MASP2: variants seen among roughly 807,000 people sequenced by gnomAD.
MASP2 encodes mannan-binding lectin serine protease 2.
A neutral mutation model predicts 57.1 loss-of-function variants in MASP2; 49 were observed. The ratio of observed to expected loss-of-function variants is 0.86; its 90% confidence interval spans 0.68 to 1.09. The LOEUF (loss-of-function observed/expected upper bound fraction) is 1.09, where lower values mean the gene tolerates loss of function less well. MASP2 is among the 50% of genes least tolerant of loss of function. The pLI is 0.00. For synonymous variants in MASP2, 379 were observed against 340.8 expected, an observed-to-expected ratio of 1.11 and a Z score of -1.24; for missense variants, 900 against 874.8, an observed-to-expected ratio of 1.03 and a Z score of -0.36.
At position 11,043,458 on chromosome 1, in the gene MASP2, G is replaced by A. The variant is rs774082092; in HGVS notation, c.622C>T (p.Leu208Phe). 8.7e-6 allele frequency: 14 copies of A among 1,611,094 alleles called. No homozygotes were observed. The highest frequency in any genetic ancestry group is 6.6e-5 in the South Asian group (6 of 90,344). The change falls in exon 5 of 11, where the codon CTC (leucine) becomes TTC (phenylalanine). Residue 208 changes from leucine (L) to phenylalanine (F), a missense_variant. Transcript: ENST00000400897. The stretch of plus-strand genomic sequence containing the variant: ...CTGATGCTGTAAGTGCAACTGGAGA[G>A]TTTGGGATACGGCCGTGGGTATTCA... ...SPEYPRPYPK[L>F]SSCTYSISLE... is the part of the protein sequence containing the mutation.
chr1:11,036,184 T>A (rs1643884563), intron 7 of MASP2, among the ~76,000 whole-genome samples: 1 of 152,128 alleles, frequency 6.6e-6, no homozygotes, highest in Non-Finnish European at 1.5e-5. Context: ...CCGCAAAGGA[T>A]TTCAGGTCTT....
In MASP2 at chr1:11,037,746, T is replaced by G. The variant is rs759753612; in HGVS notation, c.955A>C (p.Ile319Leu). The G allele has an allele frequency of 1.2e-6, 2 of 1,613,202 alleles. No individual in the cohort carries two copies. The highest frequency in any genetic ancestry group is 1.7e-6 in the Non-Finnish European group (2 of 1,179,696). ...GHVSPVQAKY[I>L]LKDSFSIFCE... The stretch of plus-strand genomic sequence containing the variant: ...AAGATGGAGAAGCTGTCTTTCAGGA[T>G]GTATTTGGCTTGCACAGGTGAAACG... The change falls in exon 7 of 11, where the codon ATC becomes CTC. Residue 319 changes from isoleucine (I) to leucine (L), a missense_variant. Coordinates refer to ENST00000400897, the MANE Select transcript of MASP2 (RefSeq NM_006610.4).
intron 8 of MASP2, among the ~76,000 whole-genome samples, chr1:11,031,629 C>T (rs1015184328): frequency 6.7e-5 from 10 of 149,784 alleles, no homozygotes; most frequent in African/African-American, 2.5e-4. Flanking sequence ...TAGAAAAGGA[C>T]ACGATAGTAA....
chr1:11,043,250 C>T (rs920436269), intron 5 of MASP2, 89 bp downstream of exon 5: 21 of 1,220,724 alleles, frequency 1.7e-5, no homozygotes, highest in Admixed American at 1.3e-4. Flanking sequence ...GTGACGGGAA[C>T]GTGGTGGGGG....
chr1:11,037,022 G>A (rs1638262244), intron 7 of MASP2, among the ~76,000 whole-genome samples: 1 of 152,004 alleles, frequency 6.6e-6, no homozygotes, highest in African/African-American at 2.4e-5. Context: ...GCTGTCGTGT[G>A]TGACCAACAG....
chr1:11,047,151 G>A, intron 1 of MASP2, 32 bp from the exon 2 acceptor site: 1 of 1,552,366 alleles, frequency 6.4e-7, no homozygotes, highest in South Asian at 1.2e-5. Flanking sequence ...TGAGGGCCCA[G>A]GCCTGTGCTC....
intron 4 of MASP2, 52 bp from the exon 5 acceptor site, chr1:11,043,587 C>G (rs755908031): frequency 7.8e-7 from 1 of 1,277,050 alleles, no homozygotes; most frequent in Non-Finnish European, 1.1e-6. Flanking sequence ...TATCAGCCCT[C>G]GCACCAACAG....
chr1:11,030,104 C>T lies in MASP2; in HGVS notation c.1297+72G>A, dbSNP rs574953462. On this transcript the variant is annotated intron_variant, in intron 10 of 10. Transcript: ENST00000400897. ...ACATTTCTGCCTACCACAGCTAAAGCTCTCCTCACTGTCTCCTACCCAGTC... is the reference window on the plus strand; with the variant it reads ...ACATTTCTGCCTACCACAGCTAAAGTTCTCCTCACTGTCTCCTACCCAGTC... 2.7e-6 allele frequency: 3 copies of T among 1,091,902 alleles called. No individual in the cohort carries two copies. In the South Asian group the frequency reaches 4.1e-5, roughly 15 times the overall value. 67.6% of individuals were successfully genotyped at this position (1,091,902 alleles called of 1,614,324 possible). A position where few individuals can be genotyped will look rare whatever the true frequency, so the allele number is the denominator to read the frequency against.
Position 11,034,877 on chromosome 1 carries a change from T to C in MASP2, c.1038A>G (p.Ala346=), listed in dbSNP as rs143273371. 3.1e-6 allele frequency: 5 copies of C among 1,612,970 alleles called. No individual in the cohort carries two copies. The African/African-American group carries it at 5.3e-5, about 17-fold the overall frequency. The stretch of plus-strand genomic sequence containing the variant: ...CCCAAGATCCATCTTTCTGACAAAC[T>C]GCAGTAAAGGATTTCAGGGGCAAGT... ...QGHLPLKSFT[A]VCQKDGSWDR... Residue 346 remains alanine, a synonymous_variant, in exon 8 of 11, where the codon GCA becomes GCG. Coordinates refer to ENST00000400897, the MANE Select transcript of MASP2 (RefSeq NM_006610.4).
At chr1:11,042,723 A>T in intron 6 of MASP2, 152 bp downstream of exon 6, 1 of 836,226 alleles carries the variant, frequency 1.2e-6, no homozygotes, top group Non-Finnish European at 1.8e-6. Context: ...TTCCCCTTAG[A>T]AGACTGCTGC....
intron 5 of MASP2, 122 bp from the exon 6 acceptor site, chr1:11,043,144 TG>T: frequency 8.7e-7 from 1 of 1,152,354 alleles, no homozygotes; most frequent in Non-Finnish European, 1.2e-6. Context: ...GGCCATGGAT[TG>T]GGGTGCCCCT....
chr1:11,043,827 C>A lies in MASP2; in HGVS notation c.545-292G>T, dbSNP rs1638540670. Among the ~76,000 whole-genome samples the A allele has an allele frequency of 5.3e-5, 8 of 152,056 alleles. No homozygotes were observed. The South Asian group carries it at 1.7e-3, about 32-fold the overall frequency. ...GGAGCGCACAGGCCCTCACTCACAC[C>A]CCCAGGGAGCGTGGTGGTGTCCTGA... On this transcript the variant is annotated intron_variant, in intron 4 of 10. Coordinates refer to ENST00000400897, the MANE Select transcript of MASP2 (RefSeq NM_006610.4).
chr1:11,045,825 G>A, intron 3 of MASP2: 2 of 500,020 alleles, frequency 4.0e-6, no homozygotes, highest in Non-Finnish European at 7.2e-6. Flanking sequence ...TCAAACCCAG[G>A]GGGCGGGGCT....
At position 11,046,721 on chromosome 1, in the gene MASP2, C is replaced by T. The variant is rs1638652253; in HGVS notation, c.247G>A (p.Ala83Thr). Residue 83 changes from alanine (A) to threonine (T), a missense_variant, in exon 3 of 11, where the codon GCC becomes ACC. Coordinates refer to ENST00000400897, the MANE Select transcript of MASP2 (RefSeq NM_006610.4). ...EYDFVKLSSG[A>T]KVLATLCGQE... Reference sequence around the variant, plus strand: ...CCGCACAGCGTGGCCAGCACCTTGGCCCCCGAGCTCAGCTGTGGGGTCAGG... The same window carrying T: ...CCGCACAGCGTGGCCAGCACCTTGGTCCCCGAGCTCAGCTGTGGGGTCAGG... The T allele has an allele frequency of 1.2e-6, 2 of 1,612,230 alleles. No homozygotes were observed. The highest frequency in any genetic ancestry group is 1.7e-6 in the Non-Finnish European group (2 of 1,179,586).
chr1:11,030,029 G>A (rs1000357083), intron 10 of MASP2, 147 bp downstream of exon 10: 2 of 601,540 alleles, frequency 3.3e-6, no homozygotes, highest in East Asian at 2.9e-5. Flanking sequence ...GGGGTAATGA[G>A]AACATACTAT....
chr1:11,045,586 G>A (rs779157820), intron 3 of MASP2, 47 bp from the exon 4 acceptor site: 5 of 1,560,638 alleles, frequency 3.2e-6, no homozygotes, highest in Middle Eastern at 2.2e-4. Context: ...GGAAAGAGGC[G>A]GGATCCAGCC....
In MASP2 at chr1:11,046,897, G is replaced by A. The variant is rs369289961; in HGVS notation, c.228C>T (p.Phe76=). 3.8e-6 allele frequency: 6 copies of A among 1,566,862 alleles called. No homozygotes were observed. The highest frequency in any genetic ancestry group is 2.3e-5 in the South Asian group (2 of 85,428). Residue 76 remains phenylalanine, a synonymous_variant, in exon 2 of 11, where the codon TTC becomes TTT. Coordinates refer to ENST00000400897, the MANE Select transcript of MASP2 (RefSeq NM_006610.4). ...CCTCCCGTCCTGACGGCACCTTGAC[G>A]AAGTCGTACTCGCAGAGGTGGGAGA... ...LELSHLCEYD[F]VKLSSGAKVL... is the part of the protein sequence containing the mutation.
intron 4 of MASP2, chr1:11,044,762 C>T: frequency 2.3e-5 from 19 of 831,958 alleles, no homozygotes; most frequent in Non-Finnish European, 3.0e-5. Flanking sequence ...CCCGCCGCCT[C>T]CCGACCCTCC....
In MASP2 at chr1:11,027,596, CT is replaced by C. The variant is rs1043314790; in HGVS notation, c.1349del (p.Lys450ArgfsTer12). 1.2e-6 allele frequency: 2 copies of C among 1,614,060 alleles called. No individual in the cohort carries two copies. The highest frequency in any genetic ancestry group is 2.7e-5 in the African/African-American group (2 of 74,940). ...GCCAAGGAAAATCACCAGGTTTTGC[CT>C]TTTGCCCTCCATATATACGCCCTCC... ...TTGGRIYGGQ[K>X]AKPGDFPWQV... On this transcript the variant is annotated frameshift_variant, in exon 11 of 11. Coordinates refer to ENST00000400897, the MANE Select transcript of MASP2 (RefSeq NM_006610.4). LOFTEE classifies it low-confidence loss of function (END_TRUNC).
Sources: gnomAD v4.1 joint callset for allele counts (sites outside exome capture counted in the v4.1 genomes callset) on GRCh38, gnomAD v4.1.1 for gene constraint, MANE v1.5 for transcripts, NCBI Gene and HGNC (gene_info 2026-07-23, HGNC 2026-07-21) for gene names.